Variants in CSTF3 observed in about 807,000 individuals in gnomAD.
CSTF3 encodes the protein cleavage stimulation factor subunit 3.
Under a neutral mutation model 105.8 loss-of-function variants are expected in CSTF3, and 29 were observed. The observed-to-expected ratio is 0.27, with a 90% CI of 0.20 to 0.37. The LOEUF (loss-of-function observed/expected upper bound fraction) is 0.37, where lower values mean the gene tolerates loss of function less well. Among genes scored for constraint, CSTF3 ranks in the 10% least tolerant of loss-of-function variants. The pLI, the probability that CSTF3 is intolerant of heterozygous loss-of-function variation, is 1.00. For missense variants in CSTF3, 357 were observed against 879.3 expected (o/e 0.41, Z 7.51); for synonymous variants, 252 against 281.9 (o/e 0.89, Z 1.06).
chr11:33,126,317 A>C (rs1414929605), intron 3 of CSTF3, among the ~76,000 whole-genome samples: 2 of 152,032 alleles, frequency 1.3e-5, no homozygotes, highest in Non-Finnish European at 2.9e-5. Flanking sequence ...GTGGCCTGCA[A>C]CTGTGGTCTT....
chr11:33,120,413 C>T (rs1256564114), intron 3 of CSTF3, among the ~76,000 whole-genome samples: 3 of 151,660 alleles, frequency 2.0e-5, no homozygotes, highest in Admixed American at 1.3e-4. Flanking sequence ...CATATATTAC[C>T]CTTTTAAATA....
chr11:33,086,067 T>C (rs1031521743), intron 18 of CSTF3, 78 bp from the exon 19 acceptor site: 2 of 903,022 alleles, frequency 2.2e-6, no homozygotes, highest in Middle Eastern at 2.3e-4. Context: ...GACTTGCACA[T>C]AAAGATCTTC....
intron 1 of CSTF3, among the ~76,000 whole-genome samples, chr11:33,151,653 G>A (rs138679039): frequency 6.6e-6 from 1 of 152,074 alleles, no homozygotes; most frequent in Non-Finnish European, 1.5e-5. Flanking sequence ...ATGTTACTAT[G>A]AACATTAGTG....
At chr11:33,125,037 G>T (rs1306533630) in intron 3 of CSTF3, among the ~76,000 whole-genome samples, 1 of 152,182 alleles carries the variant, frequency 6.6e-6, no homozygotes, top group Admixed American at 6.5e-5. Context: ...TGAGCATCTT[G>T]AATCTGTTGA....
chr11:33,090,385 G>A (rs1330991445), intron 17 of CSTF3, 147 bp downstream of exon 17: 1 of 467,986 alleles, frequency 2.1e-6, no homozygotes, highest in East Asian at 3.4e-5. Context: ...TAAACCCAAG[G>A]AAAATCTTTG....
intron 8 of CSTF3, among the ~76,000 whole-genome samples, chr11:33,104,135 T>C (rs2133776707): frequency 6.6e-6 from 1 of 152,312 alleles, no homozygotes; most frequent in African/African-American, 2.4e-5. Context: ...CTAATAGCCC[T>C]TTTCTAACTA....
intron 10 of CSTF3, among the ~76,000 whole-genome samples, chr11:33,100,635 A>G (rs1374353484): frequency 6.6e-6 from 1 of 152,196 alleles, no homozygotes; most frequent in Non-Finnish European, 1.5e-5. Flanking sequence ...GATCAAAAGG[A>G]TTATGATGAT....
rs1855295226 is a variant in CSTF3, at chr11:33,103,104, T to C, written c.663+3A>G. 2 of 1,539,434 alleles carry C rather than the reference T, an allele frequency of 1.3e-6. No individual in the cohort carries two copies. The highest frequency in any genetic ancestry group is 1.8e-6 in the Non-Finnish European group (2 of 1,135,994). ...ATTAAAATAGCCTGATGGAATTCCATACCTTTGCTACACGTCTAGCATTCA... is the reference window on the plus strand; with the variant it reads ...ATTAAAATAGCCTGATGGAATTCCACACCTTTGCTACACGTCTAGCATTCA... On this transcript the variant is annotated splice_donor_region_variant and intron_variant, in intron 9 of 20. Coordinates refer to ENST00000323959, the MANE Select transcript of CSTF3 (RefSeq NM_001326.3).
chr11:33,122,960 T>G (rs1419843569), intron 3 of CSTF3, among the ~76,000 whole-genome samples: 1 of 146,202 alleles, frequency 6.8e-6, no homozygotes, highest in Admixed American at 6.8e-5. Flanking sequence ...AAGAAAAGTA[T>G]GTAAAACAGG....
At chr11:33,139,210 C>A (rs1855684465) in intron 3 of CSTF3, among the ~76,000 whole-genome samples, 1 of 151,556 alleles carries the variant, frequency 6.6e-6, no homozygotes, top group Non-Finnish European at 1.5e-5. Flanking sequence ...TCTGGGGAAG[C>A]AAATTATCTT....
chr11:33,103,221 G>A (rs1455770623), intron 8 of CSTF3, 37 bp from the exon 9 acceptor site: 6 of 1,031,332 alleles, frequency 5.8e-6, no homozygotes, highest in South Asian at 1.6e-5. Flanking sequence ...ATTAAGTATA[G>A]TTTCTTAAAA....
At chr11:33,115,941 C>G (rs1258316930) in intron 3 of CSTF3, among the ~76,000 whole-genome samples, 1 of 152,058 alleles carries the variant, frequency 6.6e-6, no homozygotes, top group Non-Finnish European at 1.5e-5. Context: ...TATGTACATA[C>G]AAATGTATAC....
At chr11:33,141,638 T>C (rs1855712129) in intron 3 of CSTF3, 29 bp downstream of exon 3, 2 of 1,593,058 alleles carry the variant, frequency 1.3e-6, no homozygotes, top group South Asian at 1.1e-5. Context: ...GCAATACTGA[T>C]ATAAGAAAAA....
Position 33,096,278 on chromosome 11 carries a change from A to C in CSTF3, c.1375+28T>G, listed in dbSNP as rs752903851. 3.0e-6 allele frequency: 4 copies of C among 1,334,424 alleles called. No individual in the cohort carries two copies. In the East Asian group the frequency reaches 9.9e-5, roughly 33 times the overall value. The allele number at this position is 1,334,424 out of a possible 1,614,324, so 82.7% of individuals were successfully genotyped here. A position where few individuals can be genotyped will look rare whatever the true frequency, so the allele number is the denominator to read the frequency against. ...ATTCCACATGGTTTAATATTAAGTA[A>C]TCATTATAGATTCTAGAATCAACCT... On this transcript the variant is annotated intron_variant, in intron 15 of 20. Coordinates refer to ENST00000323959, the MANE Select transcript of CSTF3 (RefSeq NM_001326.3).
Position 33,096,825 on chromosome 11 carries a change from C to G in CSTF3, c.1272+10G>C. ...TTGTTTTATCTTTACACTTGTATTT[C>G]AGTATTTACCTTACTACAGTAATAT... is the stretch of plus-strand genomic sequence containing the variant. On this transcript the variant is annotated intron_variant, in intron 14 of 20. Transcript: ENST00000323959. 5 of 1,595,782 alleles carry G rather than the reference C, an allele frequency of 3.1e-6. No individual in the cohort carries two copies. In the Middle Eastern group the frequency reaches 5.0e-4, roughly 160 times the overall value.
intron 3 of CSTF3, among the ~76,000 whole-genome samples, chr11:33,124,511 T>C (rs1855524105): frequency 6.6e-6 from 1 of 152,074 alleles, no homozygotes; most frequent in Non-Finnish European, 1.5e-5. Flanking sequence ...ATTCTACTTA[T>C]AATAAACATA....
At chr11:33,136,955 C>T (rs1855660582) in intron 3 of CSTF3, among the ~76,000 whole-genome samples, 1 of 151,802 alleles carries the variant, frequency 6.6e-6, no homozygotes, top group African/African-American at 2.4e-5. Context: ...CCCCCAAAAA[C>T]TTCAAATTGT....
chr11:33,103,202 T>C lies in CSTF3; in HGVS notation c.586-18A>G. ...TTGATACCCTAGAAAAAAACAAAAA[T>C]ATTTTAAAATTAAGTATAGTTTCTT... On this transcript the variant is annotated intron_variant, in intron 8 of 20. Transcript: ENST00000323959. 1 of 1,242,584 alleles carries C rather than the reference T, an allele frequency of 8.0e-7. No homozygotes were observed. Among genetic ancestry groups the C allele is most frequent in the Non-Finnish European group, 1.1e-6 (1 of 885,300 alleles). The allele number at this position is 1,242,584 out of a possible 1,614,324, so 77.0% of individuals were successfully genotyped here. A position where few individuals can be genotyped will look rare whatever the true frequency, so the allele number is the denominator to read the frequency against.
intron 1 of CSTF3, among the ~76,000 whole-genome samples, chr11:33,147,433 A>T (rs2133803668): frequency 6.6e-6 from 1 of 151,920 alleles, no homozygotes; most frequent in East Asian, 1.9e-4. Flanking sequence ...CATCTCTATT[A>T]AAAATACAAA....
Sources: gnomAD v4.1 joint callset for allele counts (sites outside exome capture counted in the v4.1 genomes callset) on GRCh38, gnomAD v4.1.1 for gene constraint, MANE v1.5 for transcripts, NCBI Gene and HGNC (gene_info 2026-07-23, HGNC 2026-07-21) for gene names.